The following GYS1 variants were observed in gnomAD, a reference collection of about 807,000 sequenced individuals.
The protein encoded by GYS1 is glycogen synthase 1.
In GYS1, 60 loss-of-function variants were observed where a neutral mutation model predicts 89.1. That is an observed-to-expected ratio of 0.67 (90% CI 0.55 to 0.84). The LOEUF (loss-of-function observed/expected upper bound fraction) is 0.84, where lower values mean the gene tolerates loss of function less well. Among genes scored for constraint, GYS1 ranks in the 40% least tolerant of loss-of-function variants. GYS1 has a pLI of 0.00. For synonymous variants in GYS1, 366 were observed against 401.7 expected (o/e 0.91, Z 1.06); for missense variants, 888 against 1,003.1 (o/e 0.89, Z 1.55).
intron 4 of GYS1, 101 bp from the exon 5 acceptor site, chr19:48,985,706 T>C: frequency 6.6e-7 from 1 of 1,518,524 alleles, no homozygotes; most frequent in South Asian, 1.1e-5. Context: ...GGGGGCTGGA[T>C]TCCTGGGTCT....
intron 15 of GYS1, 70 bp from the exon 16 acceptor site, chr19:48,969,681 C>T: frequency 6.4e-7 from 1 of 1,573,592 alleles, no homozygotes; most frequent in Non-Finnish European, 8.7e-7. Context: ...GGCATCCAGC[C>T]ACCTCTAGGC....
chr19:48,987,447 C>T, intron 2 of GYS1, 62 bp from the exon 3 acceptor site: 1 of 1,319,018 alleles, frequency 7.6e-7, no homozygotes, highest in African/African-American at 1.5e-5. Flanking sequence ...TATCTTCACT[C>T]ATCCGTGGTT....
chr19:48,981,667 G>A (rs759638070), intron 7 of GYS1, 31 bp from the exon 8 acceptor site: 1 of 1,370,724 alleles, frequency 7.3e-7, no homozygotes, highest in South Asian at 1.2e-5. Flanking sequence ...GGGAGGCCAG[G>A]ATCATGTGGG....
Position 48,969,140 on chromosome 19 carries a change from A to G in GYS1, c.*148T>C, listed in dbSNP as rs781515044. ...GCAGGAACTTGGAAACTGGAGCTGG[A>G]GGGGGTGGAGTGTTTGGCGGACTGG... On this transcript the variant is annotated 3_prime_UTR_variant, in exon 16 of 16. Coordinates refer to ENST00000323798, the MANE Select transcript of GYS1 (RefSeq NM_002103.5). 1 of 682,406 alleles carries G rather than the reference A, an allele frequency of 1.5e-6. No individual in the cohort carries two copies. The highest frequency in any genetic ancestry group is 2.5e-6 in the Non-Finnish European group (1 of 405,400). The allele number at this position is 682,406 out of a possible 1,614,324, so 42.3% of individuals were successfully genotyped here.
At chr19:48,979,903 T>A (rs2038730548) in intron 8 of GYS1, among the ~76,000 whole-genome samples, 1 of 151,946 alleles carries the variant, frequency 6.6e-6, no homozygotes, top group South Asian at 2.1e-4. Context: ...CGCCTCGGCC[T>A]CCCAAAGTGC....
intron 6 of GYS1, 113 bp downstream of exon 6, chr19:48,982,591 GCCGAATACCCAGGTGC>G: frequency 1.2e-6 from 1 of 868,638 alleles, no homozygotes; most frequent in Non-Finnish European, 1.9e-6. Flanking sequence ...AATTAAGGAG[GCCGAATACCCAGGTGC>G]CCCCTCCCTC....
chr19:48,988,338 T>C lies in GYS1; in HGVS notation c.301-953A>G, dbSNP rs975505981. ...GATGCTAATTCCTTCCACGGGATGC[T>C]TCTTTTTTGTTTTCAGACAGGGTCT... is the stretch of plus-strand genomic sequence containing the variant. On this transcript the variant is annotated intron_variant, in intron 2 of 15. Coordinates refer to ENST00000323798, the MANE Select transcript of GYS1 (RefSeq NM_002103.5). Among the ~76,000 whole-genome samples, 13 of 152,272 alleles carry C rather than the reference T, an allele frequency of 8.5e-5. No homozygotes were observed. The South Asian group carries it at 1.9e-3, about 22-fold the overall frequency.
In GYS1 at chr19:48,970,610, C is replaced by T; in HGVS notation, c.1745G>A (p.Arg582His). ...CTCCGTGCGGTTCCGCTGGATGATA[C>T]GCTGCCGCCGGCTCTGCTGACAGAA... Reference protein sequence around the residue: ...YSFCQQSRRQRIIQRNRTERL... With the variant: ...YSFCQQSRRQHIIQRNRTERL... Residue 582 changes from arginine (R) to histidine (H), a missense_variant, in exon 14 of 16, where the codon CGT becomes CAT. By Grantham distance (29) the Arg-to-His change is conservative. Coordinates refer to ENST00000323798, the MANE Select transcript of GYS1 (RefSeq NM_002103.5). 6.2e-7 allele frequency: 1 copy of T among 1,613,796 alleles called. No individual in the cohort carries two copies.
At chr19:48,976,522 T>TG (rs1362853449) in intron 10 of GYS1, among the ~76,000 whole-genome samples, 1 of 152,106 alleles carries the variant, frequency 6.6e-6, no homozygotes, top group Admixed American at 6.5e-5. Flanking sequence ...CAGGGGTGTC[T>TG]GGGGACCAAC....
In GYS1 at chr19:48,991,209, G is replaced by A. The variant is rs2038919698; in HGVS notation, c.300+93C>T. Reference sequence around the variant, plus strand: ...TCCAAGCCTGCCTCGCTCTCTGGCTGGGGCTGTCCACCCTGCACCCTCTCC... The same window carrying A: ...TCCAAGCCTGCCTCGCTCTCTGGCTAGGGCTGTCCACCCTGCACCCTCTCC... On this transcript the variant is annotated intron_variant, in intron 2 of 15. Transcript: ENST00000323798. This position sits in a 1 kb window ranked among gnomAD's most constrained non-coding sequence, Gnocchi z 4.7. 1.5e-6 allele frequency: 2 copies of A among 1,344,934 alleles called. No homozygotes were observed. The highest frequency in any genetic ancestry group is 2.1e-6 in the Non-Finnish European group (2 of 945,132). The allele number at this position is 1,344,934 out of a possible 1,614,324, so 83.3% of individuals were successfully genotyped here. A position where few individuals can be genotyped will look rare whatever the true frequency, so the allele number is the denominator to read the frequency against.
intron 10 of GYS1, among the ~76,000 whole-genome samples, chr19:48,977,610 A>G (rs1047547377): frequency 9.2e-5 from 14 of 152,058 alleles, no homozygotes; most frequent in Admixed American, 7.2e-4. Flanking sequence ...ATAAATAAAT[A>G]TAATAAAAAT....
At chr19:48,980,869 C>T (rs779631024) in intron 8 of GYS1, among the ~76,000 whole-genome samples, 1 of 151,988 alleles carries the variant, frequency 6.6e-6, no homozygotes, top group African/African-American at 2.4e-5. Context: ...AATCCCAGCA[C>T]TTTGGGAGGC....
At chr19:48,979,398 C>A (rs1360479541) in intron 8 of GYS1, among the ~76,000 whole-genome samples, 1 of 113,470 alleles carries the variant, frequency 8.8e-6, no homozygotes, top group Admixed American at 1.2e-4. Context: ...CTTGCTCTGT[C>A]GCCCAGGATG....
Position 48,981,507 on chromosome 19 carries a change from G to A in GYS1, c.1169+23C>T, listed in dbSNP as rs959063081. On this transcript the variant is annotated intron_variant, in intron 8 of 15. Coordinates refer to ENST00000323798, the MANE Select transcript of GYS1 (RefSeq NM_002103.5). ...TGCATCTGGGAGTGGGCTGCGCCAG[G>A]GGCCGGAGCGAGGGCTGCTAACCAA... The A allele has an allele frequency of 4.5e-6, 6 of 1,341,160 alleles. No homozygotes were observed. The African/African-American group carries it at 8.6e-5, about 19-fold the overall frequency. 83.1% of individuals were successfully genotyped at this position (1,341,160 alleles called of 1,614,324 possible).
At chr19:48,977,892 GC>G in intron 10 of GYS1, 31 bp downstream of exon 10, 1 of 1,557,658 alleles carries the variant, frequency 6.4e-7, no homozygotes, top group South Asian at 1.1e-5. Flanking sequence ...GCCAGGAACT[GC>G]TATCTCTCTG....
intron 10 of GYS1, among the ~76,000 whole-genome samples, chr19:48,975,037 T>A (rs1386262411): frequency 6.6e-6 from 1 of 152,048 alleles, no homozygotes; most frequent in Non-Finnish European, 1.5e-5. Context: ...ATCATGCCAT[T>A]CTCCTGCCTC....
At position 48,991,484 on chromosome 19, in the gene GYS1, C is replaced by T. The variant is rs1600154996; in HGVS notation, c.119-1G>A. 6.3e-7 allele frequency: 1 copy of T among 1,597,848 alleles called. No individual in the cohort carries two copies. Among genetic ancestry groups the T allele is most frequent in the Non-Finnish European group, 8.5e-7 (1 of 1,170,546 alleles). ...TGCAGCACCGTGTAGATGCCACCCA[C>T]TGTGGGCCCAAGCGTGTGAGGGCAG... On this transcript the variant is annotated splice_acceptor_variant, in intron 1 of 15. Coordinates refer to ENST00000323798, the MANE Select transcript of GYS1 (RefSeq NM_002103.5). LOFTEE classifies it high-confidence loss of function. The surrounding 1 kb of genome is among the most constrained non-coding windows in gnomAD (Gnocchi z 4.7).
At chr19:48,977,253 G>T (rs942347888) in intron 10 of GYS1, among the ~76,000 whole-genome samples, 1 of 152,130 alleles carries the variant, frequency 6.6e-6, no homozygotes, top group Non-Finnish European at 1.5e-5. Context: ...TTACAGGCAT[G>T]AGCCACCACA....
At chr19:48,970,141 T>C (rs549745140) in intron 14 of GYS1, 10 of 510,926 alleles carry the variant, frequency 2.0e-5, no homozygotes, top group South Asian at 1.7e-4. Flanking sequence ...TTTTTCTTTT[T>C]AAACACGGTC....
Sources: gnomAD v4.1 joint callset for allele counts (sites outside exome capture counted in the v4.1 genomes callset) on GRCh38, gnomAD v4.1.1 for gene constraint, Gnocchi (gnomAD v3.1) non-coding constraint, MANE v1.5 for transcripts, NCBI Gene and HGNC (gene_info 2026-07-23, HGNC 2026-07-21) for gene names.